The following THSD4 variants were observed in gnomAD, a reference collection of about 807,000 sequenced individuals.
The protein encoded by THSD4 is thrombospondin type-1 domain-containing protein 4.
Under a neutral mutation model 119.0 loss-of-function variants are expected in THSD4, and 69 were observed. That is an observed-to-expected ratio of 0.58 (90% CI 0.48 to 0.71). The LOEUF is 0.71. Ranked by LOEUF, THSD4 falls within the 30% of genes least tolerant of loss-of-function variation. The pLI, the probability that THSD4 is intolerant of heterozygous loss-of-function variation, is 0.00. For synonymous variants in THSD4, 524 were observed against 540.4 expected (o/e 0.97, Z 0.42); for missense variants, 1,393 against 1,391.1 (o/e 1.00, Z -0.02).
At chr15:71,524,243 C>T (rs1415152056) in intron 7 of THSD4, among the ~76,000 whole-genome samples, 1 of 152,232 alleles carries the variant, frequency 6.6e-6, no homozygotes, top group East Asian at 1.9e-4. Flanking sequence ...AAGATAGCCA[C>T]AGGGACTGAC....
chr15:71,405,778 A>ATG (rs1296531966), intron 6 of THSD4, among the ~76,000 whole-genome samples: 1 of 152,200 alleles, frequency 6.6e-6, no homozygotes, highest in African/African-American at 2.4e-5. Context: ...ATCCAAGAAA[A>ATG]TGTGATATCT....
intron 6 of THSD4, among the ~76,000 whole-genome samples, chr15:71,304,861 G>A (rs1330762172): frequency 6.6e-6 from 1 of 152,194 alleles, no homozygotes; most frequent in Non-Finnish European, 1.5e-5. Context: ...AATCATCCTG[G>A]CATCATGAGC....
At chr15:71,534,395 T>A (rs1280835122) in intron 7 of THSD4, among the ~76,000 whole-genome samples, 1 of 152,226 alleles carries the variant, frequency 6.6e-6, no homozygotes, top group Non-Finnish European at 1.5e-5. Context: ...GTTATTTGAT[T>A]TTGTGTATCT....
rs114682884 is a variant in THSD4, at chr15:71,650,681, C to T, written c.1153-9849C>T. Among the ~76,000 whole-genome samples the T allele has an allele frequency of 3.5e-3, 536 of 152,290 alleles. 4 individuals are homozygous for T. Among genetic ancestry groups the T allele is most frequent in the African/African-American group, 0.012 (509 of 41,566 alleles). ...CCTGAAAATCAAGAAAGAGGCCATC[C>T]GGGTACAACATAGCAGTAATGTCAG... is the stretch of plus-strand genomic sequence containing the variant. On this transcript the variant is annotated intron_variant, in intron 7 of 17. Transcript: ENST00000261862.
intron 7 of THSD4, among the ~76,000 whole-genome samples, chr15:71,491,291 C>T (rs376891387): frequency 6.6e-6 from 1 of 152,026 alleles, no homozygotes; most frequent in East Asian, 1.9e-4. Flanking sequence ...CCTTTTGAAT[C>T]TCATGTTGAA....
chr15:71,505,857 G>A (rs983513776), intron 7 of THSD4, among the ~76,000 whole-genome samples: 1 of 152,164 alleles, frequency 6.6e-6, no homozygotes, highest in African/African-American at 2.4e-5. Context: ...AAAGTGGGCT[G>A]GTTCTCTTTG....
At chr15:71,389,680 T>C (rs2046345809) in intron 6 of THSD4, among the ~76,000 whole-genome samples, 1 of 152,126 alleles carries the variant, frequency 6.6e-6, no homozygotes, top group Non-Finnish European at 1.5e-5. Context: ...GTGGTAATTC[T>C]ATTTTTAAAT....
In THSD4 at chr15:71,737,707, G is replaced by A. The variant is rs565171200; in HGVS notation, c.1631-25G>A. The A allele has an allele frequency of 2.1e-4, 324 of 1,573,424 alleles. 5 individuals are homozygous for A. In the South Asian group the frequency reaches 2.8e-3, roughly 13 times the overall value. On this transcript the variant is annotated intron_variant, in intron 10 of 17. Transcript: ENST00000261862. ...CAGGGTCTAAACTGATCCTGATTCT[G>A]TGTGTGCACGCTCACCTCTCCTAGG... is the stretch of plus-strand genomic sequence containing the variant.
intron 7 of THSD4, among the ~76,000 whole-genome samples, chr15:71,421,643 T>C (rs2046808983): frequency 6.6e-6 from 1 of 152,224 alleles, no homozygotes; most frequent in South Asian, 2.1e-4. Context: ...ATGTCTTGAT[T>C]AGTGTCATTT....
intron 3 of THSD4, among the ~76,000 whole-genome samples, chr15:71,180,893 TG>T (rs1301497682): frequency 2.6e-5 from 4 of 151,952 alleles, no homozygotes; most frequent in Non-Finnish European, 5.9e-5. Context: ...ACATTTACAG[TG>T]AGCATACTTG....
At chr15:71,532,283 A>AGAGAGAGAGAGAGTGTGTGT (rs1379506089) in intron 7 of THSD4, among the ~76,000 whole-genome samples, 31 of 101,646 alleles carry the variant, frequency 3.0e-4, no homozygotes, top group Non-Finnish European at 6.0e-4. Flanking sequence ...AGAGAGAGAG[A>AGAGAGAGAGAGAGTGTGTGT]GTGTGTGTGT....
chr15:71,688,364 A>C (rs904008842), intron 8 of THSD4, among the ~76,000 whole-genome samples: 2 of 152,228 alleles, frequency 1.3e-5, no homozygotes, highest in Non-Finnish European at 2.9e-5. Flanking sequence ...ACATGAGTGC[A>C]TTTACATGCT....
At chr15:71,744,071 G>A (rs186332091) in intron 11 of THSD4, among the ~76,000 whole-genome samples, 130 of 151,016 alleles carry the variant, frequency 8.6e-4, no homozygotes, top group African/African-American at 2.8e-3. Flanking sequence ...CATTTCTCAC[G>A]TTATAAACGT....
At position 71,735,862 on chromosome 15, in the gene THSD4, C is replaced by T. The variant is rs558891414; in HGVS notation, c.1631-1870C>T. On this transcript the variant is annotated intron_variant, in intron 10 of 17. Coordinates refer to ENST00000261862, the MANE Select transcript of THSD4 (RefSeq NM_024817.3). ...TCTCTTTCGCTCTCTGTCTCTCCTG[C>T]TCTGTTGCTTTCTGTCTCTGTCTCT... Among the ~76,000 whole-genome samples, 14 of 150,586 alleles carry T rather than the reference C, an allele frequency of 9.3e-5. 1 individual carries two copies. Among genetic ancestry groups the T allele is most frequent in the Admixed American group, 9.2e-4 (14 of 15,172 alleles).
rs141920968 is a variant in THSD4 at position 71,259,306 on chromosome 15, C to T, written c.1015+2591C>T. 4.7e-3 allele frequency among the ~76,000 whole-genome samples: 716 copies of T among 152,044 alleles called. 4 individuals carry two copies. Among genetic ancestry groups the T allele is most frequent in the Middle Eastern group, 0.014 (4 of 294 alleles). Reference sequence around the variant, plus strand: ...CTAGAGCCTTCAAAGTGGGCGTGGTCCTGCCAACACCTTGATTTTGGACTG... The same window carrying T: ...CTAGAGCCTTCAAAGTGGGCGTGGTTCTGCCAACACCTTGATTTTGGACTG... On this transcript the variant is annotated intron_variant, in intron 6 of 17. Transcript: ENST00000261862.
chr15:71,339,366 G>A (rs1259249413), intron 6 of THSD4, among the ~76,000 whole-genome samples: 1 of 151,638 alleles, frequency 6.6e-6, no homozygotes, highest in Non-Finnish European at 1.5e-5. Flanking sequence ...GGAAATCTTT[G>A]CCGACCCTCT....
At chr15:71,274,460 G>A (rs2044567964) in intron 6 of THSD4, among the ~76,000 whole-genome samples, 1 of 152,072 alleles carries the variant, frequency 6.6e-6, no homozygotes, top group Non-Finnish European at 1.5e-5. Context: ...TATTTACACA[G>A]GCGCATGGGC....
intron 4 of THSD4, among the ~76,000 whole-genome samples, chr15:71,226,424 C>A (rs1268196776): frequency 6.6e-6 from 1 of 152,052 alleles, no homozygotes; most frequent in African/African-American, 2.4e-5. Context: ...TTGAAAGGTT[C>A]GTTCATTTTG....
At chr15:71,270,828 T>C (rs1285461245) in intron 6 of THSD4, among the ~76,000 whole-genome samples, 1 of 8,522 alleles carries the variant, frequency 1.2e-4, no homozygotes, top group African/African-American at 2.7e-4. Flanking sequence ...GGTAGCCATC[T>C]CTCTTTTTTT....
Sources: gnomAD v4.1 joint callset for allele counts (sites outside exome capture counted in the v4.1 genomes callset) on GRCh38, gnomAD v4.1.1 for gene constraint, MANE v1.5 for transcripts, NCBI Gene and HGNC (gene_info 2026-07-23, HGNC 2026-07-21) for gene names.